The following GRID2 variants were observed in gnomAD, a reference collection of about 807,000 sequenced individuals.
GRID2 encodes glutamate receptor ionotropic, delta-2.
In GRID2, 33 loss-of-function variants were observed where a neutral mutation model predicts 114.8. That is an observed-to-expected ratio of 0.29 (90% confidence interval 0.22 to 0.38). The LOEUF is 0.38. GRID2 is among the 10% of genes least tolerant of loss of function. GRID2 has a pLI of 1.00. For missense variants in GRID2, 1,184 were observed against 1,257.7 expected, an observed-to-expected ratio of 0.94 and a Z score of 0.89; for synonymous variants, 505 against 449.9, an observed-to-expected ratio of 1.12 and a Z score of -1.55.
At chr4:92,779,179 T>G (rs1738945762) in intron 2 of GRID2, among the ~76,000 whole-genome samples, 1 of 145,094 alleles carries the variant, frequency 6.9e-6, no homozygotes, top group Non-Finnish European at 1.5e-5. Context: ...TTTTAAGTAG[T>G]AAGTAAATGT....
At chr4:93,416,264 A>G (rs1363071567) in intron 9 of GRID2, among the ~76,000 whole-genome samples, 2 of 152,056 alleles carry the variant, frequency 1.3e-5, no homozygotes, top group Non-Finnish European at 2.9e-5. Context: ...TCTATAAAAA[A>G]AAGTGAGGTT....
chr4:92,964,856 T>G (rs1241369300), intron 2 of GRID2, among the ~76,000 whole-genome samples: 3 of 152,018 alleles, frequency 2.0e-5, no homozygotes, highest in Admixed American at 6.6e-5. Flanking sequence ...ACTGAAACTT[T>G]CTCCATATCA....
At chr4:93,347,067 C>A (rs2149255016) in intron 8 of GRID2, among the ~76,000 whole-genome samples, 2 of 152,162 alleles carry the variant, frequency 1.3e-5, no homozygotes, top group South Asian at 4.1e-4. Context: ...GCGGAGCTCC[C>A]TGGAGTGGAA....
At chr4:92,308,320 C>T (rs1046397582) in intron 1 of GRID2, among the ~76,000 whole-genome samples, 7 of 152,152 alleles carry the variant, frequency 4.6e-5, no homozygotes, top group African/African-American at 1.7e-4. Context: ...TGTAAATTAG[C>T]TGTCCTCAGT....
chr4:93,572,610 T>C (rs1367040998), intron 13 of GRID2, among the ~76,000 whole-genome samples: 1 of 152,044 alleles, frequency 6.6e-6, no homozygotes, highest in Non-Finnish European at 1.5e-5. Context: ...TTTAGCTAGG[T>C]CGAAAAAATG....
intron 13 of GRID2, among the ~76,000 whole-genome samples, chr4:93,608,303 T>TTTC (rs1181521981): frequency 4.8e-5 from 7 of 145,254 alleles, no homozygotes; most frequent in African/African-American, 1.8e-4. Context: ...TTTCTTTTTT[T>TTTC]TTTTTTAATT....
chr4:93,524,924 A>G (rs1730737027), intron 13 of GRID2, among the ~76,000 whole-genome samples: 1 of 150,284 alleles, frequency 6.7e-6, no homozygotes, highest in Non-Finnish European at 1.5e-5. Flanking sequence ...TAAAGATGAT[A>G]CTACCAACCT....
At chr4:92,513,194 C>A (rs572780843) in intron 1 of GRID2, among the ~76,000 whole-genome samples, 1 of 151,930 alleles carries the variant, frequency 6.6e-6, no homozygotes, top group East Asian at 1.9e-4. Flanking sequence ...AACCTATTGC[C>A]CCTATCTTAC....
intron 2 of GRID2, among the ~76,000 whole-genome samples, chr4:92,811,293 A>T (rs1740652309): frequency 6.6e-6 from 1 of 151,916 alleles, no homozygotes; most frequent in Non-Finnish European, 1.5e-5. Flanking sequence ...TTTTACTCTG[A>T]CTCCAGTGTA....
chr4:92,562,242 T>A (rs1415373281), intron 1 of GRID2, among the ~76,000 whole-genome samples: 1 of 152,136 alleles, frequency 6.6e-6, no homozygotes, highest in Non-Finnish European at 1.5e-5. Context: ...GCCATTGCAA[T>A]AAAGAACAAA....
intron 1 of GRID2, among the ~76,000 whole-genome samples, chr4:92,438,483 G>A (rs923006405): frequency 2.0e-5 from 3 of 151,752 alleles, no homozygotes; most frequent in Admixed American, 1.3e-4. Context: ...ATTTAATAGT[G>A]TATATGTGAT....
intron 2 of GRID2, among the ~76,000 whole-genome samples, chr4:92,749,261 A>G (rs1737313567): frequency 7.4e-6 from 1 of 134,722 alleles, no homozygotes; most frequent in African/African-American, 2.8e-5. Flanking sequence ...CTCCCAAAGT[A>G]CTGGGATTAC....
intron 1 of GRID2, among the ~76,000 whole-genome samples, chr4:92,514,824 C>T (rs540808977): frequency 2.6e-5 from 4 of 151,870 alleles, no homozygotes; most frequent in Non-Finnish European, 4.4e-5. Flanking sequence ...GTCACAAAGC[C>T]TGCCAGACTC....
intron 14 of GRID2, among the ~76,000 whole-genome samples, chr4:93,697,499 G>A (rs1282260379): frequency 6.6e-6 from 1 of 152,016 alleles, no homozygotes; most frequent in Non-Finnish European, 1.5e-5. Context: ...TTGTATATAT[G>A]TGCTTTTGTT....
chr4:92,678,289 C>T lies in GRID2; in HGVS notation c.244+88003C>T, dbSNP rs567081220. 3.9e-5 allele frequency among the ~76,000 whole-genome samples: 6 copies of T among 152,068 alleles called. No individual in the cohort carries two copies. The South Asian group carries it at 1.2e-3, about 32-fold the overall frequency. On this transcript the variant is annotated intron_variant, in intron 2 of 15. Transcript: ENST00000282020. ...CTTCTGTGTTTTATTTATTGGTATT[C>T]CCATATTCAATTATAAATTCGATAA...
At chr4:92,815,064 G>A (rs546624145) in intron 2 of GRID2, among the ~76,000 whole-genome samples, 74 of 152,218 alleles carry the variant, frequency 4.9e-4, no homozygotes, top group African/African-American at 1.7e-3. Context: ...CAATATACTT[G>A]TTTATTGACT....
intron 14 of GRID2, among the ~76,000 whole-genome samples, chr4:93,695,417 C>T (rs1281910786): frequency 6.6e-6 from 1 of 151,986 alleles, no homozygotes; most frequent in Non-Finnish European, 1.5e-5. Context: ...GACTAGAATG[C>T]CTATGTCTAT....
intron 14 of GRID2, among the ~76,000 whole-genome samples, chr4:93,729,191 C>T (rs988400959): frequency 7.2e-5 from 11 of 152,090 alleles, no homozygotes; most frequent in Admixed American, 1.3e-4. Flanking sequence ...CCACCATGCC[C>T]GGCCCGTTCC....
chr4:92,877,609 C>G (rs1745726698), intron 2 of GRID2, among the ~76,000 whole-genome samples: 1 of 152,106 alleles, frequency 6.6e-6, no homozygotes, highest in Admixed American at 6.5e-5. Context: ...ACAGTTTGTT[C>G]TTTTGTTCTT....
Sources: allele counts gnomAD v4.1 joint callset (sites outside exome capture counted in the v4.1 genomes callset), GRCh38; gene constraint gnomAD v4.1.1; transcripts MANE v1.5; gene names NCBI Gene and HGNC (gene_info 2026-07-23, HGNC 2026-07-21).